ADAMTSL2: variants seen among roughly 807,000 people sequenced by gnomAD.
The protein encoded by ADAMTSL2 is ADAMTS-like protein 2.
In ADAMTSL2, 55 loss-of-function variants were observed where a neutral mutation model predicts 117.0. The ratio of observed to expected loss-of-function variants is 0.47; its 90% CI spans 0.38 to 0.59. The LOEUF (loss-of-function observed/expected upper bound fraction) is 0.59, where lower values mean the gene tolerates loss of function less well. ADAMTSL2 is among the 20% of genes least tolerant of loss of function. The pLI is 0.00. For missense variants in ADAMTSL2, 1,182 were observed against 1,354.5 expected, an observed-to-expected ratio of 0.87 and a Z score of 2.00; for synonymous variants, 572 against 566.4, an observed-to-expected ratio of 1.01 and a Z score of -0.14.
chr9:133,535,544 G>T (rs895488632), intron 1 of ADAMTSL2, among the ~76,000 whole-genome samples: 1 of 152,226 alleles, frequency 6.6e-6, no homozygotes, highest in Non-Finnish European at 1.5e-5. Flanking sequence ...GCTGAGGAGG[G>T]AGGGGCAGAG....
Position 133,564,167 on chromosome 9 carries a change from GGAGA to G in ADAMTSL2, c.1748-2757_1748-2754del, listed in dbSNP as rs1237095108. ...AAGGGGGAGAGAGACAGAGAGAAAGGGAGAGAGAGAGAGAGGGAGAGAGAGAGAG... is the reference window on the plus strand; with the variant it reads ...AAGGGGGAGAGAGACAGAGAGAAAGGGAGAGAGAGAGGGAGAGAGAGAGAG... On this transcript the variant is annotated intron_variant, in intron 12 of 18. Coordinates refer to ENST00000651351, the MANE Select transcript of ADAMTSL2 (RefSeq NM_014694.4). 5.7e-3 allele frequency among the ~76,000 whole-genome samples: 44 copies of G among 7,748 alleles called. 2 individuals are homozygous for G. Among genetic ancestry groups the G allele is most frequent in the South Asian group, 0.012 (2 of 162 alleles). The allele number at this position is 7,748 out of a possible 152,430, so 5.1% of individuals were successfully genotyped here.
intron 15 of ADAMTSL2, 66 bp downstream of exon 15, chr9:133,568,824 T>C: frequency 1.2e-6 from 2 of 1,604,750 alleles, no homozygotes; most frequent in Admixed American, 3.3e-5. Context: ...TTTGCCTTGA[T>C]GTGCCTCAGT....
Position 133,575,146 on chromosome 9 carries a change from C to T in ADAMTSL2, c.*282C>T. ...ATCCTGTGTTTGTGGCTCCCACTCCCCAGCCCCCCAGCAGCCCCCAGCCGA... is the reference window on the plus strand; with the variant it reads ...ATCCTGTGTTTGTGGCTCCCACTCCTCAGCCCCCCAGCAGCCCCCAGCCGA... On this transcript the variant is annotated 3_prime_UTR_variant, in exon 19 of 19. Coordinates refer to ENST00000651351, the MANE Select transcript of ADAMTSL2 (RefSeq NM_014694.4). 1 of 477,284 alleles carries T rather than the reference C, an allele frequency of 2.1e-6. No individual in the cohort carries two copies. Among genetic ancestry groups the T allele is most frequent in the Non-Finnish European group, 3.8e-6 (1 of 260,698 alleles). The allele number at this position is 477,284 out of a possible 1,614,324, so 29.6% of individuals were successfully genotyped here.
chr9:133,569,495 C>T lies in ADAMTSL2; in HGVS notation c.2332C>T (p.Gln778Ter). The change falls in exon 16 of 19, where the codon CAG becomes TAG. Residue 778 changes from glutamine (Q) to a stop codon, truncating the protein, a stop_gained. Transcript: ENST00000651351. LOFTEE classifies it high-confidence loss of function. ...ACGGGTAGTACCTGAGTCCCAGTGCCAGATGGAGACCAAGCCTCTGGCCAT... is the reference window on the plus strand; with the variant it reads ...ACGGGTAGTACCTGAGTCCCAGTGCTAGATGGAGACCAAGCCTCTGGCCAT... ...DGRVVPESQC[Q>*]METKPLAIHP... is the part of the protein sequence containing the mutation. 1.2e-6 allele frequency: 2 copies of T among 1,612,758 alleles called. No individual in the cohort carries two copies. Among genetic ancestry groups the T allele is most frequent in the Non-Finnish European group, 8.5e-7 (1 of 1,179,688 alleles).
chr9:133,548,310 T>G (rs1455600627), intron 9 of ADAMTSL2, among the ~76,000 whole-genome samples: 1 of 152,226 alleles, frequency 6.6e-6, no homozygotes, highest in Non-Finnish European at 1.5e-5. Context: ...CTCCCCACAC[T>G]GCTTTTTGGC....
intron 12 of ADAMTSL2, among the ~76,000 whole-genome samples, chr9:133,565,576 G>A (rs1830949827): frequency 6.6e-6 from 1 of 152,214 alleles, no homozygotes; most frequent in Admixed American, 6.5e-5. Flanking sequence ...AGCTCTGGCG[G>A]GAGAGGAACC....
chr9:133,564,637 AGAGG>A lies in ADAMTSL2; in HGVS notation c.1748-2295_1748-2292del, dbSNP rs1564179042. On this transcript the variant is annotated intron_variant, in intron 12 of 18. Transcript: ENST00000651351. The stretch of plus-strand genomic sequence containing the variant: ...GAGAGAGAGAGAGGGAGAGAGAGAG[AGAGG>A]GAGAGAGGGAGAGAGGGAGAGAGAG... Among the ~76,000 whole-genome samples the A allele has an allele frequency of 9.9e-4, 24 of 24,222 alleles. 1 individual carries two copies. Among genetic ancestry groups the A allele is most frequent in the Non-Finnish European group, 1.6e-3 (15 of 9,136 alleles). 15.9% of individuals were successfully genotyped at this position (24,222 alleles called of 152,430 possible).
At chr9:133,568,839 A>G in intron 15 of ADAMTSL2, 81 bp downstream of exon 15, 1 of 1,588,226 alleles carries the variant, frequency 6.3e-7, no homozygotes, top group Non-Finnish European at 8.6e-7. Context: ...CTCAGTTTCC[A>G]TTTTTTTCCG....
At position 133,568,605 on chromosome 9, in the gene ADAMTSL2, C is replaced by A; in HGVS notation, c.2091C>A (p.Cys697Ter). 6.2e-7 allele frequency: 1 copy of A among 1,600,924 alleles called. No homozygotes were observed. The highest frequency in any genetic ancestry group is 8.5e-7 in the Non-Finnish European group (1 of 1,174,518). ...PQWEMSEWSE[C>*]TAKCGERSVV... ...GCCCCCTCCCCCTGCCGCCCCAGTGCACTGCCAAGTGTGGGGAGCGCAGTG... is the reference window on the plus strand; with the variant it reads ...GCCCCCTCCCCCTGCCGCCCCAGTGAACTGCCAAGTGTGGGGAGCGCAGTG... Residue 697 changes from cysteine to a stop codon, truncating the protein, a stop_gained and splice_region_variant, in exon 15 of 19, where the codon TGC becomes TGA. Coordinates refer to ENST00000651351, the MANE Select transcript of ADAMTSL2 (RefSeq NM_014694.4). LOFTEE classifies it high-confidence loss of function.
rs755905285 is a variant in ADAMTSL2 at position 133,547,202 on chromosome 9, C to T, written c.928C>T (p.Leu310=). The change falls in exon 9 of 19, where the codon CTG becomes TTG. Residue 310 remains leucine, a synonymous_variant. Coordinates refer to ENST00000651351, the MANE Select transcript of ADAMTSL2 (RefSeq NM_014694.4). ...GGCACAGGGGCCCACCAACCAGGGC[C>T]TGAATGTCATGGTACGTGTGCCGCA... ...IVAQGPTNQG[L]NVMVWNQNGK... 1.9e-6 allele frequency: 3 copies of T among 1,613,522 alleles called. No individual in the cohort carries two copies. Among genetic ancestry groups the T allele is most frequent in the Non-Finnish European group, 2.5e-6 (3 of 1,179,610 alleles).
upstream of ADAMTSL2, among the ~76,000 whole-genome samples, chr9:133,533,163 CTGTGTG>C (rs71378583): frequency 0.033 from 4,825 of 148,130 alleles, 135 homozygotes; most frequent in East Asian, 0.14. Context: ...GTGTGTGTGC[CTGTGTG>C]TGTGTGTGTG....
In ADAMTSL2 at chr9:133,561,189, C is replaced by T. The variant is rs1317929024; in HGVS notation, c.1650-9C>T. The T allele has an allele frequency of 1.4e-5, 23 of 1,598,330 alleles. No homozygotes were observed. The highest frequency in any genetic ancestry group is 9.1e-5 in the South Asian group (8 of 88,280). On this transcript the variant is annotated splice_polypyrimidine_tract_variant and intron_variant, in intron 11 of 18. Coordinates refer to ENST00000651351, the MANE Select transcript of ADAMTSL2 (RefSeq NM_014694.4). ...TCTCATCACCTTCCCTGCTTGGTCT[C>T]GCTTTCAGGACCAGGCCCAAGGCGC...
chr9:133,554,595 T>C lies in ADAMTSL2; in HGVS notation c.1178T>C (p.Met393Thr). 6.5e-7 allele frequency: 1 copy of C among 1,548,776 alleles called. No homozygotes were observed. Among genetic ancestry groups the C allele is most frequent in the African/African-American group, 1.4e-5 (1 of 73,500 alleles). Residue 393 changes from methionine (M) to threonine (T), a missense_variant, in exon 10 of 19, where the codon ATG becomes ACG. Transcript: ENST00000651351. This position sits in a 1 kb window ranked among gnomAD's most constrained non-coding sequence, Gnocchi z 5.2. ...CTGTTCGGCCACCCGGGCCTGGACA[T>C]GGAGCTGGGCCCCAGCCAGGGCCAG... ...NRLFGHPGLD[M>T]ELGPSQGQET...
chr9:133,539,921 T>TG, intron 5 of ADAMTSL2, 48 bp downstream of exon 5: 3 of 1,525,938 alleles, frequency 2.0e-6, no homozygotes, highest in Non-Finnish European at 2.7e-6. Context: ...GACTGAGCTT[T>TG]GGGGGTAGCC....
intron 9 of ADAMTSL2, 22 bp downstream of exon 9, chr9:133,547,235 G>C: frequency 6.2e-7 from 1 of 1,603,296 alleles, no homozygotes; most frequent in Non-Finnish European, 8.5e-7. Context: ...GCAGGCCTTG[G>C]GGGCCCCAGG....
chr9:133,534,909 C>T lies in ADAMTSL2; in HGVS notation c.-159C>T, dbSNP rs1344854129. On this transcript the variant is annotated 5_prime_UTR_variant, in exon 1 of 19. It introduces an in-frame stop codon into an upstream open reading frame of the 5' UTR. Coordinates refer to ENST00000651351, the MANE Select transcript of ADAMTSL2 (RefSeq NM_014694.4). Reference sequence around the variant, plus strand: ...TCTCTGGGAGGACAACCTGCTGACCCGAAGCCAGGTAGGCCACCTCGTCCC... The same window carrying T: ...TCTCTGGGAGGACAACCTGCTGACCTGAAGCCAGGTAGGCCACCTCGTCCC... 3.6e-6 allele frequency: 5 copies of T among 1,406,582 alleles called. No individual in the cohort carries two copies. The highest frequency in any genetic ancestry group is 3.7e-6 in the Non-Finnish European group (4 of 1,073,216). 87.1% of individuals were successfully genotyped at this position (1,406,582 alleles called of 1,614,324 possible). A position where few individuals can be genotyped will look rare whatever the true frequency, so the allele number is the denominator to read the frequency against.
In ADAMTSL2 at chr9:133,568,157, G is replaced by A. The variant is rs111344284; in HGVS notation, c.1875-116G>A. ...TGTCTGGCTTAGCTTGTTGTGTGCGGTTTTGGACCACATAGGGGAGGAAGG... is the reference window on the plus strand; with the variant it reads ...TGTCTGGCTTAGCTTGTTGTGTGCGATTTTGGACCACATAGGGGAGGAAGG... On this transcript the variant is annotated intron_variant, in intron 13 of 18. Transcript: ENST00000651351. 8 of 1,119,350 alleles carry A rather than the reference G, an allele frequency of 7.1e-6. No individual in the cohort carries two copies. In the African/African-American group the frequency reaches 9.2e-5, roughly 13 times the overall value. The allele number at this position is 1,119,350 out of a possible 1,614,324, so 69.3% of individuals were successfully genotyped here. A position where few individuals can be genotyped will look rare whatever the true frequency, so the allele number is the denominator to read the frequency against.
In ADAMTSL2 at chr9:133,567,288, A is replaced by G. The variant is rs769109942; in HGVS notation, c.1874+226A>G. Reference sequence around the variant, plus strand: ...TGTGCCTCGTAGACAGTAGGTGCTCAATTAATGCTTGCCACCGCAGATTTA... The same window carrying G: ...TGTGCCTCGTAGACAGTAGGTGCTCGATTAATGCTTGCCACCGCAGATTTA... On this transcript the variant is annotated intron_variant, in intron 13 of 18. Transcript: ENST00000651351. Among the ~76,000 whole-genome samples, 180 of 152,346 alleles carry G rather than the reference A, an allele frequency of 1.2e-3. 2 individuals are homozygous for G. The highest frequency in any genetic ancestry group is 2.1e-3 in the Non-Finnish European group (143 of 68,034).
intron 9 of ADAMTSL2, among the ~76,000 whole-genome samples, chr9:133,550,068 T>C (rs1353766976): frequency 6.6e-6 from 1 of 152,234 alleles, no homozygotes; most frequent in Admixed American, 6.5e-5. Context: ...TCCAAGACCC[T>C]TGCACCCACA....
Sources: gnomAD v4.1 joint callset for allele counts (sites outside exome capture counted in the v4.1 genomes callset) on GRCh38, gnomAD v4.1.1 for gene constraint, Gnocchi (gnomAD v3.1) non-coding constraint, MANE v1.5 for transcripts, NCBI Gene and HGNC (gene_info 2026-07-23, HGNC 2026-07-21) for gene names.